CTPS1: variants seen among roughly 807,000 people sequenced by gnomAD.
CTPS1 encodes the protein CTP synthase 1, also known as CTP synthetase 1.
A neutral mutation model predicts 80.5 loss-of-function variants in CTPS1; 25 were observed. The ratio of observed to expected loss-of-function variants is 0.31; its 90% CI spans 0.23 to 0.43. The LOEUF is 0.43. CTPS1 is among the 20% of genes least tolerant of loss of function. The pLI, the probability that CTPS1 is intolerant of heterozygous loss-of-function variation, is 1.00. For missense variants in CTPS1, 442 were observed against 725.7 expected, an observed-to-expected ratio of 0.61 and a Z score of 4.49; for synonymous variants, 267 against 252.5, an observed-to-expected ratio of 1.06 and a Z score of -0.54.
chr1:40,997,297 C>T (rs1462588861), intron 8 of CTPS1, 97 bp from the exon 9 acceptor site: 2 of 1,426,338 alleles, frequency 1.4e-6, no homozygotes, highest in Non-Finnish European at 1.9e-6. Flanking sequence ...CTCATCCTGG[C>T]CAGACGTGGT....
At chr1:40,985,608 A>G (rs1041854333) in intron 3 of CTPS1, among the ~76,000 whole-genome samples, 1 of 152,130 alleles carries the variant, frequency 6.6e-6, no homozygotes, top group Non-Finnish European at 1.5e-5. Flanking sequence ...GTATAATGGC[A>G]GTGGCCCAAA....
chr1:40,992,514 A>G lies in CTPS1; in HGVS notation c.720+669A>G, dbSNP rs1329352165. ...TTTGTTACTGTACCTATGATGCAGG[A>G]AATCCAAAATTTGGAACCTGTAATG... is the stretch of plus-strand genomic sequence containing the variant. On this transcript the variant is annotated intron_variant, in intron 7 of 18. Coordinates refer to ENST00000650070, the MANE Select transcript of CTPS1 (RefSeq NM_001905.4). Among the ~76,000 whole-genome samples the G allele has an allele frequency of 5.3e-5, 8 of 152,280 alleles. No homozygotes were observed. In the East Asian group the frequency reaches 9.6e-4, roughly 18 times the overall value.
chr1:40,985,878 A>G (rs557168791), intron 3 of CTPS1, among the ~76,000 whole-genome samples: 101 of 152,126 alleles, frequency 6.6e-4, no homozygotes, highest in African/African-American at 2.4e-3. Context: ...AACAACACCT[A>G]CCTCTCTAGG....
intron 11 of CTPS1, among the ~76,000 whole-genome samples, chr1:41,002,536 T>C (rs1310024680): frequency 6.6e-6 from 1 of 152,210 alleles, no homozygotes; most frequent in Non-Finnish European, 1.5e-5. Context: ...ACACGTGAGG[T>C]TGAGTTTTAT....
At chr1:41,002,594 T>G (rs1642929486) in intron 11 of CTPS1, among the ~76,000 whole-genome samples, 1 of 152,220 alleles carries the variant, frequency 6.6e-6, no homozygotes, top group Non-Finnish European at 1.5e-5. Context: ...CAAAATGATT[T>G]TGCATGCCTC....
At chr1:41,005,963 G>A in intron 12 of CTPS1, 88 bp from the exon 13 acceptor site, 1 of 1,040,702 alleles carries the variant, frequency 9.6e-7, no homozygotes, top group South Asian at 1.3e-5. Flanking sequence ...TTAAACTGAG[G>A]AGGGAAGTTG....
intron 11 of CTPS1, 43 bp downstream of exon 11, chr1:41,002,297 G>A: frequency 6.5e-7 from 1 of 1,545,438 alleles, no homozygotes; most frequent in Non-Finnish European, 8.9e-7. Context: ...GAGTAGGAAA[G>A]AGTGGGGAAC....
chr1:40,983,311 T>C lies in CTPS1; in HGVS notation c.21T>C (p.Thr7=). Reference sequence around the variant, plus strand: ...GTAAAATGAAGTACATTCTGGTTACTGGTGGTGTTATATCAGGAATTGGAA... The same window carrying C: ...GTAAAATGAAGTACATTCTGGTTACCGGTGGTGTTATATCAGGAATTGGAA... MKYILV[T]GGVISGIGKG... is the part of the protein sequence containing the mutation. The change falls in exon 2 of 19, where the codon ACT becomes ACC. Residue 7 remains threonine, a synonymous_variant. Transcript: ENST00000650070. 1 of 1,613,998 alleles carries C rather than the reference T, an allele frequency of 6.2e-7. No individual in the cohort carries two copies.
Position 41,003,181 on chromosome 1 carries a change from G to A in CTPS1, c.1252+5G>A. On this transcript the variant is annotated splice_donor_5th_base_variant and intron_variant, in intron 12 of 18. Coordinates refer to ENST00000650070, the MANE Select transcript of CTPS1 (RefSeq NM_001905.4). ...GAAACGTGCTGGGATGGCAAGGTAA[G>A]CGTGCATTAAGACACTCATTCAATT... is the stretch of plus-strand genomic sequence containing the variant. The A allele has an allele frequency of 1.2e-6, 2 of 1,614,128 alleles. No individual in the cohort carries two copies. The highest frequency in any genetic ancestry group is 1.7e-6 in the Non-Finnish European group (2 of 1,179,974).
intron 10 of CTPS1, chr1:41,001,696 G>C (rs1642908660): frequency 6.4e-6 from 1 of 157,328 alleles, no homozygotes; most frequent in African/African-American, 2.4e-5. Flanking sequence ...GATTGCTTGA[G>C]CCCAAGAGTT....
chr1:40,982,493 G>C (rs1234454143), intron 1 of CTPS1, among the ~76,000 whole-genome samples: 1 of 152,004 alleles, frequency 6.6e-6, no homozygotes, highest in Non-Finnish European at 1.5e-5. Context: ...GGGTTCAAGC[G>C]ATTCTCCTGC....
intron 12 of CTPS1, among the ~76,000 whole-genome samples, chr1:41,005,787 T>C (rs1441440300): frequency 2.0e-5 from 3 of 152,074 alleles, no homozygotes; most frequent in African/African-American, 4.8e-5. Flanking sequence ...CCCTGTAGTT[T>C]GACCTTCTTG....
At chr1:40,987,151 G>A (rs1456287607) in intron 3 of CTPS1, among the ~76,000 whole-genome samples, 1 of 152,214 alleles carries the variant, frequency 6.6e-6, no homozygotes, top group Admixed American at 6.5e-5. Flanking sequence ...GCCTTGCTCT[G>A]TTGCAGGGCT....
chr1:41,001,134 G>T lies in CTPS1; in HGVS notation c.1094+17G>T. On this transcript the variant is annotated intron_variant, in intron 10 of 18. Transcript: ENST00000650070. ...TAGTGCTCAGTGAGTAGAGTTCGCT[G>T]CCTTGGGTTTCCAGAGTTCTTTTGG... 1 of 1,579,132 alleles carries T rather than the reference G, an allele frequency of 6.3e-7. No homozygotes were observed. The highest frequency in any genetic ancestry group is 8.6e-7 in the Non-Finnish European group (1 of 1,163,000).
chr1:41,009,485 C>T lies in CTPS1; in HGVS notation c.1587C>T (p.Phe529=). The change falls in exon 17 of 19, where the codon TTC becomes TTT. Residue 529 remains phenylalanine, a synonymous_variant. Coordinates refer to ENST00000650070, the MANE Select transcript of CTPS1 (RefSeq NM_001905.4). The part of the protein sequence containing the change: ...FFVGVQYHPE[F]LSRPIKPSPP... Reference sequence around the variant, plus strand: ...TTGGGGTTCAGTACCACCCTGAGTTCCTGTCCAGGCCTATCAAGCCCTCCC... The same window carrying T: ...TTGGGGTTCAGTACCACCCTGAGTTTCTGTCCAGGCCTATCAAGCCCTCCC... The T allele has an allele frequency of 6.2e-7, 1 of 1,610,016 alleles. No homozygotes were observed. Among genetic ancestry groups the T allele is most frequent in the Non-Finnish European group, 8.5e-7 (1 of 1,178,704 alleles).
intron 8 of CTPS1, among the ~76,000 whole-genome samples, chr1:40,996,831 G>A (rs747607552): frequency 2.6e-5 from 4 of 151,986 alleles, no homozygotes; most frequent in Non-Finnish European, 5.9e-5. Flanking sequence ...TAATGAGTGT[G>A]GACTTTTCTA....
At chr1:40,991,966 A>G in intron 7 of CTPS1, 121 bp downstream of exon 7, 1 of 747,926 alleles carries the variant, frequency 1.3e-6, no homozygotes, top group East Asian at 2.7e-5. Flanking sequence ...TTCCAGAAGA[A>G]CCCATTGCCA....
At chr1:41,010,090 T>G in intron 17 of CTPS1, 71 bp from the exon 18 acceptor site, 4 of 995,114 alleles carry the variant, frequency 4.0e-6, no homozygotes, top group Non-Finnish European at 4.7e-6. Flanking sequence ...GTAGGAACCG[T>G]GGTTACAAAA....
intron 16 of CTPS1, 26 bp from the exon 17 acceptor site, chr1:41,009,419 C>G: frequency 6.5e-7 from 1 of 1,535,488 alleles, no homozygotes; most frequent in South Asian, 1.3e-5. Flanking sequence ...CACAATGAAG[C>G]TGTTTCTTTT....
Sources: gnomAD v4.1 joint callset for allele counts (sites outside exome capture counted in the v4.1 genomes callset) on GRCh38, gnomAD v4.1.1 for gene constraint, MANE v1.5 for transcripts, NCBI Gene and HGNC (gene_info 2026-07-23, HGNC 2026-07-21) for gene names.